CNTN5: variants seen among roughly 807,000 people sequenced by gnomAD.
CNTN5 encodes contactin 5, also known as contactin-5.
CNTN5 carries 77 observed loss-of-function variants against 129.1 expected under a neutral mutation model. That is an observed-to-expected ratio of 0.60 (90% CI 0.50 to 0.72). The LOEUF (loss-of-function observed/expected upper bound fraction) is 0.72. Among genes scored for constraint, CNTN5 ranks in the 30% least tolerant of loss-of-function variants. CNTN5 has a pLI of 0.00. For missense variants in CNTN5, 1,478 were observed against 1,328.8 expected, an observed-to-expected ratio of 1.11 and a Z score of -1.75; for synonymous variants, 509 against 465.6, an observed-to-expected ratio of 1.09 and a Z score of -1.20.
intron 1 of CNTN5, among the ~76,000 whole-genome samples, chr11:99,044,595 C>T (rs1864131214): frequency 1.3e-5 from 2 of 152,126 alleles, no homozygotes; most frequent in East Asian, 1.9e-4. Flanking sequence ...GCCCTGTTGA[C>T]AGGCCTTGGA....
At chr11:99,375,125 A>C (rs1276139845) in intron 2 of CNTN5, among the ~76,000 whole-genome samples, 1 of 152,026 alleles carries the variant, frequency 6.6e-6, no homozygotes, top group Admixed American at 6.6e-5. Context: ...CAACATGGTG[A>C]AACTCTGTCT....
At chr11:100,305,976 A>G (rs1951339223) in intron 20 of CNTN5, among the ~76,000 whole-genome samples, 1 of 151,292 alleles carries the variant, frequency 6.6e-6, no homozygotes, top group South Asian at 2.1e-4. Flanking sequence ...TACAAAAAAA[A>G]TCTCGTAACG....
intron 2 of CNTN5, among the ~76,000 whole-genome samples, chr11:99,432,524 G>A (rs929205355): frequency 1.3e-5 from 1 of 78,310 alleles, no homozygotes; most frequent in South Asian, 3.7e-4. Context: ...CTCTGTCTTT[G>A]TTTCTTTTTT....
At chr11:99,348,282 T>C (rs1238607363) in intron 2 of CNTN5, among the ~76,000 whole-genome samples, 1 of 152,116 alleles carries the variant, frequency 6.6e-6, no homozygotes, top group East Asian at 1.9e-4. Flanking sequence ...GAGCTTGCAG[T>C]GAGCCAAGAT....
intron 1 of CNTN5, among the ~76,000 whole-genome samples, chr11:99,197,680 A>C (rs752997384): frequency 2.0e-5 from 3 of 152,028 alleles, no homozygotes; most frequent in Non-Finnish European, 4.4e-5. Flanking sequence ...TTTCTTATAC[A>C]TGCTTGTGTT....
intron 2 of CNTN5, among the ~76,000 whole-genome samples, chr11:99,469,644 A>C (rs1945094597): frequency 6.6e-6 from 1 of 152,126 alleles, no homozygotes; most frequent in Non-Finnish European, 1.5e-5. Context: ...TATTTCAATG[A>C]GGATAAATAA....
At chr11:99,992,206 C>A (rs1309687642) in intron 8 of CNTN5, among the ~76,000 whole-genome samples, 1 of 152,128 alleles carries the variant, frequency 6.6e-6, no homozygotes, top group Non-Finnish European at 1.5e-5. Context: ...TTAACTCCAG[C>A]AATGATTATT....
chr11:99,645,371 A>G (rs1036480419), intron 3 of CNTN5, among the ~76,000 whole-genome samples: 2 of 151,678 alleles, frequency 1.3e-5, no homozygotes, highest in East Asian at 1.9e-4. Context: ...TGCCTAATGT[A>G]TATACCCAGT....
chr11:99,661,901 T>G (rs1284357676), intron 3 of CNTN5, among the ~76,000 whole-genome samples: 1 of 152,078 alleles, frequency 6.6e-6, no homozygotes, highest in Non-Finnish European at 1.5e-5. Context: ...TATTTTCAAT[T>G]TATGTAGAAG....
At chr11:99,395,436 C>T (rs1295995763) in intron 2 of CNTN5, among the ~76,000 whole-genome samples, 10 of 151,496 alleles carry the variant, frequency 6.6e-5, no homozygotes, top group Admixed American at 2.0e-4. Context: ...AGATGCTGGA[C>T]GCTAGACTTT....
chr11:99,920,703 C>T (rs779134684), intron 7 of CNTN5, among the ~76,000 whole-genome samples: 26 of 152,142 alleles, frequency 1.7e-4, no homozygotes, highest in Non-Finnish European at 2.8e-4. Flanking sequence ...GCTGTGTACT[C>T]ACATGGTGGA....
intron 3 of CNTN5, among the ~76,000 whole-genome samples, chr11:99,625,231 C>T (rs937966877): frequency 1.1e-4 from 16 of 152,124 alleles, no homozygotes; most frequent in African/African-American, 3.4e-4. Context: ...TTTGGCTTTT[C>T]TACTGAATGA....
At chr11:100,008,913 A>G (rs1940349127) in intron 9 of CNTN5, among the ~76,000 whole-genome samples, 1 of 152,116 alleles carries the variant, frequency 6.6e-6, no homozygotes, top group Non-Finnish European at 1.5e-5. Flanking sequence ...TGGAAAGTAC[A>G]GTTACCTTTT....
intron 2 of CNTN5, among the ~76,000 whole-genome samples, chr11:99,357,137 G>A (rs183430748): frequency 2.0e-5 from 3 of 151,768 alleles, no homozygotes; most frequent in African/African-American, 7.3e-5. Context: ...AATTTGATCA[G>A]GGATGCTTCG....
chr11:99,119,773 T>C (rs964585356), intron 1 of CNTN5, among the ~76,000 whole-genome samples: 1 of 152,108 alleles, frequency 6.6e-6, no homozygotes, highest in African/African-American at 2.4e-5. Context: ...TAGCATTATT[T>C]TTCTCCACAA....
chr11:99,648,672 G>C (rs537733887), intron 3 of CNTN5, among the ~76,000 whole-genome samples: 34 of 151,898 alleles, frequency 2.2e-4, no homozygotes, highest in African/African-American at 7.9e-4. Flanking sequence ...AAATGTCCAA[G>C]AGGAAACGAA....
intron 21 of CNTN5, among the ~76,000 whole-genome samples, chr11:100,319,227 A>C (rs1472926522): frequency 1.4e-5 from 2 of 147,314 alleles, no homozygotes; most frequent in East Asian, 4.0e-4. Context: ...ATCTCAGCTC[A>C]CTGCAACCTC....
intron 21 of CNTN5, chr11:100,336,975 G>GC: frequency 3.0e-5 from 22 of 742,246 alleles, no homozygotes; most frequent in South Asian, 2.9e-4. Context: ...GAAATCAAGA[G>GC]CCAGAGCACA....
At chr11:100,254,929 C>A (rs930969373) in intron 16 of CNTN5, among the ~76,000 whole-genome samples, 4 of 152,188 alleles carry the variant, frequency 2.6e-5, no homozygotes, top group Non-Finnish European at 5.9e-5. Flanking sequence ...AATACCTGTG[C>A]ATTTTTAAAA....
Sources: allele counts gnomAD v4.1 joint callset (sites outside exome capture counted in the v4.1 genomes callset), GRCh38; gene constraint gnomAD v4.1.1; transcripts MANE v1.5; gene names NCBI Gene and HGNC (gene_info 2026-07-23, HGNC 2026-07-21).